The following LRRTM4 variants were observed in gnomAD, a reference collection of about 807,000 sequenced individuals.
The protein encoded by LRRTM4 is leucine-rich repeat transmembrane neuronal protein 4.
Under a neutral mutation model 47.6 loss-of-function variants are expected in LRRTM4, and 25 were observed. The ratio of observed to expected loss-of-function variants is 0.53; its 90% confidence interval spans 0.38 to 0.73. The LOEUF (loss-of-function observed/expected upper bound fraction) is 0.73, where lower values mean the gene tolerates loss of function less well. Among genes scored for constraint, LRRTM4 ranks in the 30% least tolerant of loss-of-function variants. The pLI is 0.00. For synonymous variants in LRRTM4, 311 were observed against 269.5 expected, an observed-to-expected ratio of 1.15 and a Z score of -1.51; for missense variants, 638 against 713.4, an observed-to-expected ratio of 0.89 and a Z score of 1.20.
chr2:76,995,068 G>C lies in LRRTM4; in HGVS notation c.1552-246152C>G, dbSNP rs544786802. On this transcript the variant is annotated intron_variant, in intron 3 of 3. Transcript: ENST00000409884. ...ATTATAAGACTTGAGATTGGTAGGA[G>C]AAATTTGACTCAGGAAACTGAACTT... Among the ~76,000 whole-genome samples, 6 of 152,092 alleles carry C rather than the reference G, an allele frequency of 3.9e-5. No individual in the cohort carries two copies. In the East Asian group the frequency reaches 1.2e-3, roughly 30 times the overall value.
At chr2:77,475,917 C>T (rs528271519) in intron 3 of LRRTM4, among the ~76,000 whole-genome samples, 2 of 151,926 alleles carry the variant, frequency 1.3e-5, no homozygotes, top group South Asian at 2.1e-4. Flanking sequence ...AGATATATGA[C>T]ATTTTATCAC....
At chr2:77,518,133 A>T in intron 3 of LRRTM4, 185 bp downstream of exon 3, 2 of 1,218,304 alleles carry the variant, frequency 1.6e-6, no homozygotes, top group Non-Finnish European at 1.0e-6. Context: ...ACCATTTAAA[A>T]AAAAAAAAAA....
intron 3 of LRRTM4, among the ~76,000 whole-genome samples, chr2:77,107,626 C>G (rs2103925589): frequency 6.6e-6 from 1 of 152,096 alleles, no homozygotes; most frequent in South Asian, 2.1e-4. Flanking sequence ...CGAGACCAGC[C>G]TAACCAACAT....
At chr2:77,003,081 T>A (rs1677492694) in intron 3 of LRRTM4, among the ~76,000 whole-genome samples, 2 of 152,140 alleles carry the variant, frequency 1.3e-5, no homozygotes, top group African/African-American at 4.8e-5. Flanking sequence ...ATTTTTAATT[T>A]TTTTATGTGT....
At chr2:77,073,504 T>C (rs1680232003) in intron 3 of LRRTM4, among the ~76,000 whole-genome samples, 1 of 152,128 alleles carries the variant, frequency 6.6e-6, no homozygotes, top group South Asian at 2.1e-4. Flanking sequence ...ATTCCTTCTA[T>C]GAAAATGTTT....
rs70956637 is a variant in LRRTM4, at chr2:77,490,624, T to TAAA, written c.1551+27691_1551+27693dup. On this transcript the variant is annotated intron_variant, in intron 3 of 3. Coordinates refer to ENST00000409884, the MANE Select transcript of LRRTM4 (RefSeq NM_001134745.3). ...TCTTACCATAAAGTATCAAAAATAA[T>TAAA]AAAAAAAAACAGCAGTCTAAGTAGG... Among the ~76,000 whole-genome samples, 438 of 150,656 alleles carry TAAA rather than the reference T, an allele frequency of 2.9e-3. 4 individuals are homozygous for TAAA. The highest frequency in any genetic ancestry group is 8.6e-3 in the African/African-American group (356 of 41,160).
chr2:76,872,057 A>G (rs1672639016), intron 3 of LRRTM4, among the ~76,000 whole-genome samples: 1 of 152,184 alleles, frequency 6.6e-6, no homozygotes, highest in East Asian at 1.9e-4. Context: ...ACCCACAGCA[A>G]CGGTAGGGTA....
chr2:76,979,390 C>CT (rs939701341), intron 3 of LRRTM4, among the ~76,000 whole-genome samples: 8 of 151,866 alleles, frequency 5.3e-5, no homozygotes, highest in African/African-American at 1.9e-4. Flanking sequence ...AAAAAGGGAC[C>CT]TTCATTGCAT....
At chr2:76,860,315 G>A (rs1672276192) in intron 3 of LRRTM4, among the ~76,000 whole-genome samples, 1 of 152,170 alleles carries the variant, frequency 6.6e-6, no homozygotes, top group Non-Finnish European at 1.5e-5. Context: ...AGTCAGAACA[G>A]TCCATGTTAC....
At chr2:77,270,431 C>T (rs1676161058) in intron 3 of LRRTM4, among the ~76,000 whole-genome samples, 1 of 152,052 alleles carries the variant, frequency 6.6e-6, no homozygotes, top group Non-Finnish European at 1.5e-5. Context: ...CCTCCAAATG[C>T]TCTTTTCTGT....
chr2:76,809,044 C>T (rs1324172825), intron 3 of LRRTM4, among the ~76,000 whole-genome samples: 1 of 152,066 alleles, frequency 6.6e-6, no homozygotes, highest in African/African-American at 2.4e-5. Flanking sequence ...TATCTTTCTC[C>T]ATGATCTTCA....
At chr2:77,415,294 T>G (rs1674595579) in intron 3 of LRRTM4, among the ~76,000 whole-genome samples, 1 of 152,142 alleles carries the variant, frequency 6.6e-6, no homozygotes, top group African/African-American at 2.4e-5. Flanking sequence ...AATACATTTC[T>G]TCATGCTAAT....
intron 3 of LRRTM4, among the ~76,000 whole-genome samples, chr2:77,153,948 A>G (rs553194568): frequency 3.3e-4 from 50 of 152,342 alleles, no homozygotes; most frequent in African/African-American, 1.2e-3. Context: ...GTTGTAAGAT[A>G]TAAGAAATAT....
At chr2:77,124,404 G>A (rs906854411) in intron 3 of LRRTM4, among the ~76,000 whole-genome samples, 4 of 151,860 alleles carry the variant, frequency 2.6e-5, no homozygotes, top group African/African-American at 7.3e-5. Context: ...CAGACAAAGC[G>A]GTATTTTAGC....
intron 3 of LRRTM4, among the ~76,000 whole-genome samples, chr2:77,348,106 A>G (rs2104290367): frequency 6.6e-6 from 1 of 152,020 alleles, no homozygotes; most frequent in African/African-American, 2.4e-5. Flanking sequence ...CCTCTTTCAT[A>G]TACTTCTGCA....
intron 3 of LRRTM4, among the ~76,000 whole-genome samples, chr2:76,907,521 A>C (rs1387606066): frequency 8.1e-4 from 120 of 147,340 alleles, no homozygotes; most frequent in African/African-American, 2.9e-3. Context: ...ATAGAGACAC[A>C]AAAAACCCTT....
chr2:77,322,449 T>C (rs1236323190), intron 3 of LRRTM4, among the ~76,000 whole-genome samples: 1 of 152,076 alleles, frequency 6.6e-6, no homozygotes, highest in African/African-American at 2.4e-5. Flanking sequence ...AAACTAAAAA[T>C]TATTCTGCTT....
intron 3 of LRRTM4, among the ~76,000 whole-genome samples, chr2:77,289,991 C>T (rs886320374): frequency 6.6e-6 from 1 of 151,042 alleles, no homozygotes; most frequent in Non-Finnish European, 1.5e-5. Context: ...AAGGATATTA[C>T]TTCTTCTTTA....
At chr2:77,390,409 G>T (rs1390446739) in intron 3 of LRRTM4, among the ~76,000 whole-genome samples, 1 of 151,936 alleles carries the variant, frequency 6.6e-6, no homozygotes, top group East Asian at 1.9e-4. Context: ...TTATCTTATT[G>T]TATTTTGTTA....
Sources: allele counts gnomAD v4.1 joint callset (sites outside exome capture counted in the v4.1 genomes callset), GRCh38; gene constraint gnomAD v4.1.1; transcripts MANE v1.5; gene names NCBI Gene and HGNC (gene_info 2026-07-23, HGNC 2026-07-21).